The following KCNIP4 variants were observed in gnomAD, a reference collection of about 807,000 sequenced individuals.
The protein encoded by KCNIP4 is potassium voltage-gated channel interacting protein 4.
KCNIP4 carries 12 observed loss-of-function variants against 34.0 expected under a neutral mutation model. That is an observed-to-expected ratio of 0.35 (90% CI 0.23 to 0.57). The LOEUF (loss-of-function observed/expected upper bound fraction) is 0.57. Ranked by LOEUF, KCNIP4 falls within the 20% of genes least tolerant of loss-of-function variation. The pLI is 0.83. For synonymous variants in KCNIP4, 124 were observed against 102.2 expected (o/e 1.21, Z -1.29); for missense variants, 238 against 311.7 (o/e 0.76, Z 1.78).
chr4:21,057,866 AG>A (rs1743560733), intron 1 of KCNIP4, among the ~76,000 whole-genome samples: 1 of 152,198 alleles, frequency 6.6e-6, no homozygotes, highest in Non-Finnish European at 1.5e-5. Flanking sequence ...TCATTGTTAT[AG>A]CATGTCAGTT....
At position 21,128,982 on chromosome 4, in the gene KCNIP4, G is replaced by A. The variant is rs142327565; in HGVS notation, c.62-246273C>T. ...CTTGACGGACAGATTAAATAAGGTT[G>A]TTGATATGGTTTGGCTGTGACACTA... On this transcript the variant is annotated intron_variant, in intron 1 of 8. Coordinates refer to ENST00000382152, the MANE Select transcript of KCNIP4 (RefSeq NM_025221.6). 3.1e-3 allele frequency among the ~76,000 whole-genome samples: 468 copies of A among 152,276 alleles called. 1 individual carries two copies. Among genetic ancestry groups the A allele is most frequent in the Non-Finnish European group, 4.7e-3 (322 of 68,026 alleles).
At chr4:20,917,470 G>A (rs369965593) in intron 1 of KCNIP4, among the ~76,000 whole-genome samples, 6 of 152,082 alleles carry the variant, frequency 3.9e-5, no homozygotes, top group South Asian at 2.1e-4. Context: ...ATGGGATAGC[G>A]AGCAAGACCA....
chr4:21,355,098 AC>A (rs556178837), intron 1 of KCNIP4, among the ~76,000 whole-genome samples: 44 of 152,316 alleles, frequency 2.9e-4, no homozygotes, highest in Admixed American at 2.0e-3. Context: ...GTTCTTTGAA[AC>A]CAATGAGAAC....
At chr4:20,779,344 A>C (rs577808680) in intron 3 of KCNIP4, among the ~76,000 whole-genome samples, 2 of 152,202 alleles carry the variant, frequency 1.3e-5, no homozygotes, top group African/African-American at 4.8e-5. Context: ...AAAAGAGACA[A>C]GATTATCAAG....
At chr4:20,830,879 C>A (rs1169705755) in intron 3 of KCNIP4, among the ~76,000 whole-genome samples, 1 of 152,088 alleles carries the variant, frequency 6.6e-6, no homozygotes, top group African/African-American at 2.4e-5. Context: ...CTTAGAATTC[C>A]AGAGGCAGTT....
chr4:21,158,054 C>T (rs1753281192), intron 1 of KCNIP4, among the ~76,000 whole-genome samples: 1 of 151,718 alleles, frequency 6.6e-6, no homozygotes, highest in Non-Finnish European at 1.5e-5. Flanking sequence ...AAAAAACACG[C>T]ATGTGAAATG....
chr4:21,200,997 T>C (rs1756450875), intron 1 of KCNIP4, among the ~76,000 whole-genome samples: 1 of 152,130 alleles, frequency 6.6e-6, no homozygotes, highest in Non-Finnish European at 1.5e-5. Context: ...TTAAGTGACT[T>C]GTCCAAGGTC....
At chr4:21,793,166 T>C (rs534896751) in intron 1 of KCNIP4, among the ~76,000 whole-genome samples, 43 of 152,224 alleles carry the variant, frequency 2.8e-4, no homozygotes, top group Non-Finnish European at 3.2e-4. Context: ...TCAATGGAAA[T>C]TTGTATACCC....
At chr4:21,533,245 T>C (rs1490905357) in intron 1 of KCNIP4, among the ~76,000 whole-genome samples, 1 of 152,128 alleles carries the variant, frequency 6.6e-6, no homozygotes, top group African/African-American at 2.4e-5. Context: ...GTTAGAATTT[T>C]CATTTTTTAA....
At chr4:20,769,699 T>C (rs1361788702) in intron 3 of KCNIP4, among the ~76,000 whole-genome samples, 1 of 152,218 alleles carries the variant, frequency 6.6e-6, no homozygotes, top group Non-Finnish European at 1.5e-5. Context: ...CCACTTAAAC[T>C]GGCTATGGTT....
At chr4:20,828,611 T>C (rs1446823665) in intron 3 of KCNIP4, among the ~76,000 whole-genome samples, 1 of 152,210 alleles carries the variant, frequency 6.6e-6, no homozygotes, top group Non-Finnish European at 1.5e-5. Context: ...TCCTCTGCAA[T>C]GGAATGGGAA....
intron 1 of KCNIP4, among the ~76,000 whole-genome samples, chr4:21,798,507 C>G (rs1349286771): frequency 2.7e-5 from 2 of 73,950 alleles, no homozygotes; most frequent in African/African-American, 1.3e-4. Flanking sequence ...AAAGCAAGAC[C>G]CTGGGAAAAA....
At chr4:20,885,226 C>A (rs560326071) in intron 1 of KCNIP4, among the ~76,000 whole-genome samples, 1 of 151,938 alleles carries the variant, frequency 6.6e-6, no homozygotes, top group African/African-American at 2.4e-5. Context: ...ATGAGAGGAG[C>A]GTGAATTCTG....
intron 1 of KCNIP4, among the ~76,000 whole-genome samples, chr4:21,423,301 G>A (rs971957008): frequency 4.6e-5 from 7 of 152,174 alleles, no homozygotes; most frequent in South Asian, 2.1e-4. Context: ...AATAATTAAA[G>A]CAAAAGAAAC....
intron 1 of KCNIP4, among the ~76,000 whole-genome samples, chr4:21,809,215 A>G (rs1721479665): frequency 6.6e-6 from 1 of 152,124 alleles, no homozygotes; most frequent in African/African-American, 2.4e-5. Context: ...TAAGGGCTCA[A>G]ATAGGACAAA....
intron 3 of KCNIP4, 36 bp from the exon 4 acceptor site, chr4:20,758,926 T>G (rs1309921550): frequency 3.8e-6 from 6 of 1,580,270 alleles, no homozygotes; most frequent in Non-Finnish European, 4.3e-6. Flanking sequence ...ATGAGCAAAG[T>G]GTTCATAAAA....
At chr4:21,569,594 T>C (rs1007450652) in intron 1 of KCNIP4, among the ~76,000 whole-genome samples, 3 of 151,948 alleles carry the variant, frequency 2.0e-5, no homozygotes, top group Admixed American at 1.3e-4. Flanking sequence ...GAATACATTG[T>C]GGGATCAGAA....
chr4:21,528,867 G>C (rs1736407744), intron 1 of KCNIP4, among the ~76,000 whole-genome samples: 1 of 149,396 alleles, frequency 6.7e-6, no homozygotes, highest in South Asian at 2.2e-4. Flanking sequence ...AAGGAAGGAA[G>C]GAAGGGAAAT....
rs1041469749 is a variant in KCNIP4, at chr4:21,471,431, A to T, written c.61+477140T>A. Among the ~76,000 whole-genome samples the T allele has an allele frequency of 6.6e-5, 10 of 152,312 alleles. No homozygotes were observed. The East Asian group carries it at 1.2e-3, about 18-fold the overall frequency. On this transcript the variant is annotated intron_variant, in intron 1 of 8. Coordinates refer to ENST00000382152, the MANE Select transcript of KCNIP4 (RefSeq NM_025221.6). ...GGAGAGTTGCAGAAGCTAGGGAATT[A>T]AGAGAATAATAATTAGCAAATTTTA...
Sources: allele counts gnomAD v4.1 joint callset (sites outside exome capture counted in the v4.1 genomes callset), GRCh38; gene constraint gnomAD v4.1.1; transcripts MANE v1.5; gene names NCBI Gene and HGNC (gene_info 2026-07-23, HGNC 2026-07-21).